The following CACNB2 variants were observed in gnomAD, a reference collection of about 807,000 sequenced individuals.
CACNB2 encodes voltage-dependent L-type calcium channel subunit beta-2.
A neutral mutation model predicts 73.3 loss-of-function variants in CACNB2; 42 were observed. The ratio of observed to expected loss-of-function variants is 0.57; its 90% CI spans 0.45 to 0.74. The LOEUF is 0.74. Ranked by LOEUF, CACNB2 falls within the 30% of genes least tolerant of loss-of-function variation. The probability of loss-of-function intolerance (pLI) is 0.00; values close to 1 mark genes in which losing one functional copy is unlikely to be tolerated. For synonymous variants in CACNB2, 348 were observed against 310.3 expected (o/e 1.12, Z -1.28); for missense variants, 940 against 853.0 (o/e 1.10, Z -1.27).
chr10:18,184,464 A>G (rs2131231337), intron 2 of CACNB2, among the ~76,000 whole-genome samples: 1 of 152,246 alleles, frequency 6.6e-6, no homozygotes, highest in South Asian at 2.1e-4. Context: ...TAAGTATGGT[A>G]CCTTTGTTAT....
rs2041214671 is a variant in CACNB2, at chr10:18,341,045, C to T, written c.214-60879C>T. 12 of 1,511,390 alleles carry T rather than the reference C, an allele frequency of 7.9e-6. No homozygotes were observed. In the African/African-American group the frequency reaches 1.1e-4, roughly 14 times the overall value. 93.6% of individuals were successfully genotyped at this position (1,511,390 alleles called of 1,614,324 possible). A position where few individuals can be genotyped will look rare whatever the true frequency, so the allele number is the denominator to read the frequency against. ...TTAAAGAAAACAGGAATGCATAGAA[C>T]TGTTGCCGAGCTTGAGCTAAAATCA... is the stretch of plus-strand genomic sequence containing the variant. On this transcript the variant is annotated intron_variant, in intron 2 of 13. Coordinates refer to ENST00000324631, the MANE Select transcript of CACNB2 (RefSeq NM_201596.3).
At chr10:18,425,856 T>G (rs1033334215) in intron 3 of CACNB2, among the ~76,000 whole-genome samples, 2 of 152,334 alleles carry the variant, frequency 1.3e-5, no homozygotes, top group African/African-American at 4.8e-5. Context: ...TACCTGTTTG[T>G]TCCAGAGCTA....
At chr10:18,240,070 G>T (rs557838539) in intron 2 of CACNB2, among the ~76,000 whole-genome samples, 1 of 152,102 alleles carries the variant, frequency 6.6e-6, no homozygotes, top group Non-Finnish European at 1.5e-5. Flanking sequence ...CTTCAGTATG[G>T]CAACTTATGT....
chr10:18,378,862 A>G (rs2042905123), intron 2 of CACNB2, among the ~76,000 whole-genome samples: 1 of 152,190 alleles, frequency 6.6e-6, no homozygotes, highest in South Asian at 2.1e-4. Context: ...TTTAAAACCA[A>G]AAATTACCTC....
intron 2 of CACNB2, among the ~76,000 whole-genome samples, chr10:18,161,068 ATTGCAG>A (rs2032422524): frequency 6.6e-6 from 1 of 152,168 alleles, no homozygotes; most frequent in African/African-American, 2.4e-5. Flanking sequence ...CCATGTATTT[ATTGCAG>A]TTGGAGGATA....
intron 2 of CACNB2, among the ~76,000 whole-genome samples, chr10:18,247,568 C>A (rs973223592): frequency 3.9e-5 from 6 of 152,050 alleles, no homozygotes; most frequent in Non-Finnish European, 7.4e-5. Flanking sequence ...AAAAAAAAAT[C>A]ATACTGTGAT....
At chr10:18,426,330 T>C (rs6415974) in intron 3 of CACNB2, among the ~76,000 whole-genome samples, 133,793 of 152,188 alleles carry the variant, frequency 0.88, 59,038 homozygotes, top group East Asian at 0.96. Context: ...GATTTGTTTC[T>C]AGATATGTTA....
chr10:18,171,730 G>T (rs1286046924), intron 2 of CACNB2, among the ~76,000 whole-genome samples: 1 of 151,888 alleles, frequency 6.6e-6, no homozygotes, highest in Non-Finnish European at 1.5e-5. Context: ...CATCAGAGTT[G>T]GCAGCAGGGC....
At chr10:18,181,573 T>A (rs1464964971) in intron 2 of CACNB2, among the ~76,000 whole-genome samples, 1 of 67,308 alleles carries the variant, frequency 1.5e-5, no homozygotes, top group Admixed American at 1.4e-4. Context: ...TTTTATTTTA[T>A]TTTATTTTAT....
At chr10:18,209,826 C>G (rs2035244535) in intron 2 of CACNB2, among the ~76,000 whole-genome samples, 1 of 151,962 alleles carries the variant, frequency 6.6e-6, no homozygotes, top group Non-Finnish European at 1.5e-5. Flanking sequence ...TTTAATAGGA[C>G]AAACCAAACG....
intron 2 of CACNB2, among the ~76,000 whole-genome samples, chr10:18,370,424 A>T (rs528332945): frequency 6.6e-6 from 1 of 152,290 alleles, no homozygotes; most frequent in African/African-American, 2.4e-5. Flanking sequence ...CAGCCTCCCC[A>T]GTAGCTGGAA....
chr10:18,254,770 T>C (rs564898345), intron 2 of CACNB2, among the ~76,000 whole-genome samples: 90 of 152,224 alleles, frequency 5.9e-4, no homozygotes, highest in African/African-American at 2.2e-3. Flanking sequence ...GACCAAGAAA[T>C]AGAAGTACAC....
intron 3 of CACNB2, among the ~76,000 whole-genome samples, chr10:18,430,583 T>C (rs2045841563): frequency 6.6e-6 from 1 of 152,148 alleles, no homozygotes; most frequent in Non-Finnish European, 1.5e-5. Context: ...TGAGCCGTGA[T>C]TGCGCCACTG....
At chr10:18,265,378 A>G (rs567907278) in intron 2 of CACNB2, among the ~76,000 whole-genome samples, 1 of 151,798 alleles carries the variant, frequency 6.6e-6, no homozygotes, top group East Asian at 1.9e-4. Context: ...TGATCCGCCC[A>G]CCTCAGCTTC....
At chr10:18,148,922 G>C (rs1350830634) in intron 1 of CACNB2, among the ~76,000 whole-genome samples, 1 of 151,476 alleles carries the variant, frequency 6.6e-6, no homozygotes, top group African/African-American at 2.4e-5. Flanking sequence ...GAGCCCAGAG[G>C]GTGTGGGGTG....
At chr10:18,171,521 GAAAAAAAAAAAAA>G (rs370201485) in intron 2 of CACNB2, among the ~76,000 whole-genome samples, 19 of 32,588 alleles carry the variant, frequency 5.8e-4, no homozygotes, top group African/African-American at 1.2e-3. Flanking sequence ...TTTGATAGCA[GAAAAAAAAAAAAA>G]AAAAAAAAAA....
intron 2 of CACNB2, among the ~76,000 whole-genome samples, chr10:18,170,170 G>A (rs555203220): frequency 1.3e-5 from 2 of 152,358 alleles, no homozygotes; most frequent in South Asian, 2.1e-4. Flanking sequence ...TTAGAGGTGG[G>A]AGAAAAATCA....
In CACNB2 at chr10:18,514,536, T is replaced by C. The variant is rs1554835266; in HGVS notation, c.804+167T>C. On this transcript the variant is annotated intron_variant, in intron 7 of 13. Coordinates refer to ENST00000324631, the MANE Select transcript of CACNB2 (RefSeq NM_201596.3). The stretch of plus-strand genomic sequence containing the variant: ...CTAAGCAGAAGCAGAAATCGGTAAG[T>C]TTACATTGACATAAGCTGTGTTTAT... 1.2e-6 allele frequency: 2 copies of C among 1,613,642 alleles called. No homozygotes were observed. Among genetic ancestry groups the C allele is most frequent in the Admixed American group, 3.3e-5 (2 of 60,000 alleles).
intron 13 of CACNB2, among the ~76,000 whole-genome samples, chr10:18,538,806 GTGCCTGTCCCATACTGTA>G (rs2133329413): frequency 6.6e-6 from 1 of 152,292 alleles, no homozygotes; most frequent in East Asian, 1.9e-4. Context: ...CTACAGAACA[GTGCCTGTCCCATACTGTA>G]TCACTGTATC....
Sources: gnomAD v4.1 joint callset for allele counts (sites outside exome capture counted in the v4.1 genomes callset) on GRCh38, gnomAD v4.1.1 for gene constraint, MANE v1.5 for transcripts, NCBI Gene and HGNC (gene_info 2026-07-23, HGNC 2026-07-21) for gene names.